PRMT8: variants seen among roughly 807,000 people sequenced by gnomAD.
The protein encoded by PRMT8 is protein arginine N-methyltransferase 8.
In PRMT8, 7 loss-of-function variants were observed where a neutral mutation model predicts 47.1. The observed-to-expected ratio is 0.15, with a 90% CI of 0.08 to 0.28. The LOEUF (loss-of-function observed/expected upper bound fraction) is 0.28. Ranked by LOEUF, PRMT8 falls within the 10% of genes least tolerant of loss-of-function variation. PRMT8 has a pLI of 1.00. For synonymous variants in PRMT8, 188 were observed against 186.5 expected, an observed-to-expected ratio of 1.01 and a Z score of -0.07; for missense variants, 237 against 505.4, an observed-to-expected ratio of 0.47 and a Z score of 5.09.
chr12:3,440,113 G>A (rs1245786634), intron 1 of PRMT8, among the ~76,000 whole-genome samples: 1 of 152,174 alleles, frequency 6.6e-6, no homozygotes, highest in Non-Finnish European at 1.5e-5. Context: ...AGACCATTAA[G>A]GTGCAAAATG....
chr12:3,386,802 C>T (rs898866105), intron 1 of PRMT8, among the ~76,000 whole-genome samples: 30 of 151,980 alleles, frequency 2.0e-4, no homozygotes, highest in African/African-American at 6.5e-4. Flanking sequence ...TTCTGTCTCC[C>T]GGGTTCAAAC....
At chr12:3,418,436 C>CTT (rs1317885391) in intron 1 of PRMT8, among the ~76,000 whole-genome samples, 2 of 152,220 alleles carry the variant, frequency 1.3e-5, no homozygotes, top group East Asian at 3.9e-4. Flanking sequence ...TCTTGTCATT[C>CTT]TTTGATGAGC....
chr12:3,491,785 GC>G (rs968557469), intron 1 of PRMT8, 85 bp downstream of exon 1: 14 of 1,515,238 alleles, frequency 9.2e-6, no homozygotes, highest in Non-Finnish European at 1.2e-5. Flanking sequence ...AGCGCCGAGT[GC>G]CAAACTTTCC....
rs4766136 is a variant in PRMT8 at position 3,535,948 on chromosome 12, A to G, written c.76-4658A>G. On this transcript the variant is annotated intron_variant, in intron 1 of 9. Coordinates refer to ENST00000382622, the MANE Select transcript of PRMT8 (RefSeq NM_019854.5). This position sits in a 1 kb window ranked among gnomAD's most constrained non-coding sequence, Gnocchi z 4.7. ...GAGGAGTTGAGCCTTCTGACTTTAC[A>G]GAGGAGACCACTGTCATCCCCCAAG... 0.98 allele frequency among the ~76,000 whole-genome samples: 149,855 copies of G among 152,234 alleles called. 73,809 individuals are homozygous for G. The highest frequency in any genetic ancestry group is 1 in the East Asian group (5,164 of 5,164).
chr12:3,466,797 A>G (rs1464176521), intron 1 of PRMT8, among the ~76,000 whole-genome samples: 2 of 152,168 alleles, frequency 1.3e-5, no homozygotes, highest in African/African-American at 4.8e-5. Context: ...TCCTGCATTA[A>G]ACAAATCGAT....
At chr12:3,496,214 A>ATATATATATATTTTTTTTTTT in intron 1 of PRMT8, among the ~76,000 whole-genome samples, 5 of 27,760 alleles carry the variant, frequency 1.8e-4, no homozygotes, top group East Asian at 1.7e-3. Context: ...ATATATATAT[A>ATATATATATATTTTTTTTTTT]TTTTTTTTTT....
intron 1 of PRMT8, among the ~76,000 whole-genome samples, chr12:3,475,508 C>A (rs1865203122): frequency 1.3e-5 from 2 of 152,212 alleles, no homozygotes; most frequent in Non-Finnish European, 2.9e-5. Flanking sequence ...TTAGAGGGAG[C>A]TCTGGGGACT....
chr12:3,585,236 G>A (rs887630023), intron 8 of PRMT8, among the ~76,000 whole-genome samples: 15 of 152,056 alleles, frequency 9.9e-5, no homozygotes, highest in Non-Finnish European at 1.6e-4. Flanking sequence ...TGTCATCAGG[G>A]GGTGAGGAGG....
chr12:3,512,712 G>T (rs1043660825), intron 1 of PRMT8, among the ~76,000 whole-genome samples: 2 of 152,118 alleles, frequency 1.3e-5, no homozygotes, highest in African/African-American at 4.8e-5. Context: ...CTCTTGCTCC[G>T]TGCCTGTCTC....
intron 1 of PRMT8, among the ~76,000 whole-genome samples, chr12:3,466,213 G>C (rs10848866): frequency 0.41 from 62,500 of 152,048 alleles, 14,345 homozygotes; most frequent in South Asian, 0.57. Context: ...TTAGTCTCTG[G>C]ATCTGTAAAC....
intron 1 of PRMT8, among the ~76,000 whole-genome samples, chr12:3,457,683 A>C (rs1031691008): frequency 6.6e-6 from 1 of 152,128 alleles, no homozygotes; most frequent in African/African-American, 2.4e-5. Flanking sequence ...TTTTAAATAT[A>C]GTTTCGAACC....
Position 3,569,576 on chromosome 12 carries a change from C to G in PRMT8, c.712+12C>G, listed in dbSNP as rs1362714181. 6.2e-7 allele frequency: 1 copy of G among 1,610,440 alleles called. No individual in the cohort carries two copies. The highest frequency in any genetic ancestry group is 8.5e-7 in the Non-Finnish European group (1 of 1,176,620). On this transcript the variant is annotated intron_variant, in intron 6 of 9. Transcript: ENST00000382622. The surrounding 1 kb of genome is among the most constrained non-coding windows in gnomAD (Gnocchi z 8.2). ...CTTCAAAATCCACTGTAAGTCCCCTCTTGCTTCTCCGGTGGACTTCCACTG... is the reference window on the plus strand; with the variant it reads ...CTTCAAAATCCACTGTAAGTCCCCTGTTGCTTCTCCGGTGGACTTCCACTG...
chr12:3,528,650 T>C (rs370001780), intron 1 of PRMT8, among the ~76,000 whole-genome samples: 3 of 151,842 alleles, frequency 2.0e-5, no homozygotes, highest in African/African-American at 7.3e-5. Flanking sequence ...TTTTGTATGA[T>C]TGATTTTTTT....
intron 2 of PRMT8, among the ~76,000 whole-genome samples, chr12:3,546,650 C>T (rs993100843): frequency 3.9e-5 from 6 of 152,058 alleles, no homozygotes; most frequent in Admixed American, 3.9e-4. Context: ...CTAAAATAAC[C>T]CTTTCCTAAT....
chr12:3,433,527 C>T (rs879269242), intron 1 of PRMT8, among the ~76,000 whole-genome samples: 2 of 152,172 alleles, frequency 1.3e-5, no homozygotes, highest in Admixed American at 1.3e-4. Context: ...GTAATTTGCT[C>T]AAGATCACAC....
intron 1 of PRMT8, among the ~76,000 whole-genome samples, chr12:3,462,125 T>C (rs1865048935): frequency 6.6e-6 from 1 of 152,072 alleles, no homozygotes; most frequent in African/African-American, 2.4e-5. Context: ...TGCCCACTTA[T>C]AAGTGAGAAC....
intron 1 of PRMT8, among the ~76,000 whole-genome samples, chr12:3,440,295 C>G (rs1470890280): frequency 1.3e-5 from 2 of 151,950 alleles, no homozygotes; most frequent in Non-Finnish European, 2.9e-5. Flanking sequence ...CCTGTCTCTA[C>G]TAAATATACA....
At chr12:3,482,253 A>G (rs1865282037) in intron 1 of PRMT8, among the ~76,000 whole-genome samples, 1 of 152,240 alleles carries the variant, frequency 6.6e-6, no homozygotes, top group Non-Finnish European at 1.5e-5. Flanking sequence ...AGAAGGCGAA[A>G]GGAAGAAAAG....
chr12:3,438,116 C>T (rs2137072401), intron 1 of PRMT8, among the ~76,000 whole-genome samples: 1 of 152,304 alleles, frequency 6.6e-6, no homozygotes, highest in East Asian at 1.9e-4. Context: ...CCTGGGCAGC[C>T]TCAGAGCCTC....
Sources: allele counts gnomAD v4.1 joint callset (sites outside exome capture counted in the v4.1 genomes callset), GRCh38; gene constraint gnomAD v4.1.1; non-coding constraint Gnocchi (gnomAD v3.1); transcripts MANE v1.5; gene names NCBI Gene and HGNC (gene_info 2026-07-23, HGNC 2026-07-21).